Variants in RPS24 observed in about 807,000 individuals in gnomAD.
RPS24 encodes the protein small ribosomal subunit protein eS24.
For synonymous variants in RPS24, 72 were observed against 55.6 expected, an observed-to-expected ratio of 1.30 and a Z score of -1.31; for missense variants, 100 against 162.5, an observed-to-expected ratio of 0.62 and a Z score of 2.09.
intron 4 of RPS24, among the ~76,000 whole-genome samples, chr10:78,048,574 G>C (rs1848067871): frequency 6.6e-6 from 1 of 152,138 alleles, no homozygotes; most frequent in East Asian, 1.9e-4. Context: ...GATATTCAGA[G>C]AGTCTGGTTA....
intron 4 of RPS24, chr10:78,037,936 T>C (rs1847910722): frequency 3.1e-6 from 2 of 650,562 alleles, no homozygotes; most frequent in South Asian, 3.3e-5. Context: ...GCTTTTCCTC[T>C]CTACTTTCTT....
intron 4 of RPS24, among the ~76,000 whole-genome samples, chr10:78,048,755 G>T (rs1218717379): frequency 1.3e-5 from 2 of 151,792 alleles, no homozygotes; most frequent in African/African-American, 4.8e-5. Context: ...TGCACCTGTG[G>T]TCCCAGCTGC....
At chr10:78,049,550 G>T (rs1003977142) in intron 4 of RPS24, among the ~76,000 whole-genome samples, 1 of 152,218 alleles carries the variant, frequency 6.6e-6, no homozygotes, top group Non-Finnish European at 1.5e-5. Flanking sequence ...GTCTTCGAGG[G>T]CCTAGACGTT....
intron 4 of RPS24, among the ~76,000 whole-genome samples, chr10:78,053,991 T>C (rs1319121036): frequency 6.6e-6 from 1 of 152,116 alleles, no homozygotes; most frequent in Non-Finnish European, 1.5e-5. Flanking sequence ...GAAAGAGTCC[T>C]GGAGCACCCT....
chr10:78,045,063 A>G (rs1848029178), downstream of RPS24, among the ~76,000 whole-genome samples: 1 of 152,074 alleles, frequency 6.6e-6, no homozygotes, highest in Non-Finnish European at 1.5e-5. Flanking sequence ...ACCTCAGCTC[A>G]CTGCAACCTC....
At chr10:78,034,599 A>ATTT in intron 1 of RPS24, among the ~76,000 whole-genome samples, 1 of 152,274 alleles carries the variant, frequency 6.6e-6, no homozygotes, top group Non-Finnish European at 1.5e-5. Flanking sequence ...CTAGGAAGTT[A>ATTT]TTTGCTGCCA....
downstream of RPS24, among the ~76,000 whole-genome samples, chr10:78,041,738 G>T (rs1179472262): frequency 2.0e-5 from 3 of 152,172 alleles, no homozygotes; most frequent in Non-Finnish European, 4.4e-5. Context: ...GATGGGATGG[G>T]ATGGGACAGG....
chr10:78,048,079 A>T (rs1848063619), intron 4 of RPS24, among the ~76,000 whole-genome samples: 1 of 152,094 alleles, frequency 6.6e-6, no homozygotes, highest in Admixed American at 6.6e-5. Flanking sequence ...TGAGGAAGAG[A>T]CTGCCTTGTG....
chr10:78,034,005 C>T (rs1481092978), intron 1 of RPS24, 101 bp downstream of exon 1: 6 of 1,457,098 alleles, frequency 4.1e-6, no homozygotes, highest in East Asian at 2.3e-5. Flanking sequence ...AGCCCGGTTG[C>T]TCTTCTCTGG....
At chr10:78,055,141 C>A (rs1848138114) in exon 5 of RPS24, 1 of 1,363,166 alleles carries the variant, frequency 7.3e-7, no homozygotes, top group African/African-American at 1.5e-5. Flanking sequence ...TCAGAACCCT[C>A]CAGGGCTCCA....
chr10:78,039,918 C>T (rs1389944106), intron 4 of RPS24: 1 of 500,440 alleles, frequency 2.0e-6, no homozygotes, highest in Non-Finnish European at 3.7e-6. Context: ...GCAAGGCCAT[C>T]CTGGGTACCA....
At position 78,046,061 on chromosome 10, in the gene RPS24, G is replaced by A. The variant is rs149335390; in HGVS notation, c.391-8470G>A. On this transcript the variant is annotated intron_variant, in intron 4 of 4. Transcript: ENST00000440692. ...TTCAGAGTTAGTAGATCTGGGTAGC[G>A]CCCAAGCACCTGATGTTTTAATAGC... Among the ~76,000 whole-genome samples the A allele has an allele frequency of 5.3e-3, 801 of 152,076 alleles. 3 individuals are homozygous for A. The highest frequency in any genetic ancestry group is 8.8e-3 in the Non-Finnish European group (595 of 67,978).
chr10:78,035,074 T>C (rs756183941), intron 1 of RPS24, among the ~76,000 whole-genome samples: 95 of 152,306 alleles, frequency 6.2e-4, no homozygotes, highest in Non-Finnish European at 1.0e-3. Context: ...GAAATATCAG[T>C]AGTGCTGAGG....
intron 3 of RPS24, among the ~76,000 whole-genome samples, chr10:78,036,877 G>A (rs1847880266): frequency 6.6e-6 from 1 of 152,102 alleles, no homozygotes. Context: ...CACTTCGGAG[G>A]TGCCTTGTTT....
chr10:78,055,178 C>T (rs1848138620), exon 5 of RPS24: 1 of 1,142,908 alleles, frequency 8.7e-7, no homozygotes, highest in Non-Finnish European at 1.1e-6. Flanking sequence ...ATGCCAAAGA[C>T]CTCCCCACGC....
chr10:78,040,943 A>G (rs984998786), downstream of RPS24, among the ~76,000 whole-genome samples: 1 of 152,064 alleles, frequency 6.6e-6, no homozygotes, highest in Admixed American at 6.6e-5. Context: ...CACAGTCATC[A>G]GCACTTTTGG....
chr10:78,040,472 A>G (rs1455951401), intron 5 of RPS24, 143 bp from the exon 6 acceptor site: 2 of 754,090 alleles, frequency 2.7e-6, no homozygotes, highest in Non-Finnish European at 4.6e-6. Context: ...TGATGCTTTC[A>G]TTGTGTTATG....
intron 4 of RPS24, among the ~76,000 whole-genome samples, chr10:78,050,079 T>C (rs1848083427): frequency 6.6e-6 from 1 of 152,146 alleles, no homozygotes. Context: ...CTCCCTGGAT[T>C]TGGGTCTGGA....
chr10:78,054,900 C>CT lies in RPS24; in HGVS notation c.761dup (p.Ser255ValfsTer16). 1 of 1,539,924 alleles carries CT rather than the reference C, an allele frequency of 6.5e-7. No homozygotes were observed. The highest frequency in any genetic ancestry group is 2.5e-5 in the East Asian group (1 of 40,716). On this transcript the variant is annotated frameshift_variant, in exon 5 of 5. Coordinates refer to the RPS24 transcript ENST00000440692. LOFTEE classifies it low-confidence loss of function (END_TRUNC). ...AGAAGCCTTGTCAGCAACCTTGACT[C>CT]TGTCACCCCACATCCAGGCCATCAA...
Sources: allele counts gnomAD v4.1 joint callset (sites outside exome capture counted in the v4.1 genomes callset), GRCh38; gene constraint gnomAD v4.1.1; transcripts MANE v1.5; gene names NCBI Gene and HGNC (gene_info 2026-07-23, HGNC 2026-07-21).